Variants in SLC43A3 observed in about 807,000 individuals in gnomAD.
The protein encoded by SLC43A3 is solute carrier family 43 member 3, also known as equilibrative nucleobase transporter 1.
In SLC43A3, 33 loss-of-function variants were observed where a neutral mutation model predicts 53.3. The observed-to-expected ratio is 0.62, with a 90% CI of 0.47 to 0.83. The LOEUF (loss-of-function observed/expected upper bound fraction) is 0.83. Among genes scored for constraint, SLC43A3 ranks in the 40% least tolerant of loss-of-function variants. The pLI is 0.00. For missense variants in SLC43A3, 530 were observed against 610.0 expected (o/e 0.87, Z 1.38); for synonymous variants, 236 against 246.2 (o/e 0.96, Z 0.39).
rs376679763 is a variant in SLC43A3, at chr11:57,409,953, G to A, written c.1229C>T (p.Ala410Val). The change falls in exon 12 of 14, where the codon GCG becomes GTG. Residue 410 changes from alanine (A) to valine (V), a missense_variant. Transcript: ENST00000395124. The stretch of plus-strand genomic sequence containing the variant: ...CACTTACGCAAGGGTGAGGAAGGCC[G>A]CGTTGCTCCCATAGAGGAAGGAGCG... ...ISRSFLYGSN[A>V]AFLTLAFPSE... 2.6e-5 allele frequency: 42 copies of A among 1,612,114 alleles called. No individual in the cohort carries two copies. The East Asian group carries it at 4.9e-4, about 19-fold the overall frequency.
intron 11 of SLC43A3, among the ~76,000 whole-genome samples, chr11:57,414,256 A>T (rs1942613172): frequency 6.6e-6 from 1 of 152,232 alleles, no homozygotes; most frequent in Admixed American, 6.5e-5. Flanking sequence ...CACGCCTGTT[A>T]TCCCAGCATT....
intron 5 of SLC43A3, chr11:57,423,664 A>G: frequency 4.4e-6 from 1 of 229,740 alleles, no homozygotes; most frequent in Non-Finnish European, 8.7e-6. Context: ...TCCTGACCTC[A>G]GATGATCCAC....
chr11:57,414,648 T>C lies in SLC43A3; in HGVS notation c.1027A>G (p.Lys343Glu). The C allele has an allele frequency of 2.5e-6, 4 of 1,613,936 alleles. No homozygotes were observed. The highest frequency in any genetic ancestry group is 3.4e-6 in the Non-Finnish European group (4 of 1,179,864). ...CTTGCTTCCTTCTGGTACTTCTGTT[T>C]AAGCCGGTCCATGAGCAGGCCATTC... is the stretch of plus-strand genomic sequence containing the variant. ...PWNGLLMDRL[K>E]QKYQKEARKT... Residue 343 changes from lysine (K) to glutamate (E), a missense_variant, in exon 11 of 14, where the codon AAA becomes GAA. Physicochemically the swap from Lys to Glu is moderately conservative, Grantham distance 56. Around this residue, in one of 3 missense-constraint regions of SLC43A3, gnomAD observed 376 missense variants for 386.7 expected, o/e 0.97. Coordinates refer to ENST00000395124, the MANE Select transcript of SLC43A3 (RefSeq NM_199329.3).
chr11:57,407,737 G>A lies in SLC43A3; in HGVS notation c.*55C>T. ...TCTTTTGGGACACGAGGTCCTCAAA[G>A]GTGGTGGAAGATGAACAAAACCATC... On this transcript the variant is annotated 3_prime_UTR_variant, in exon 14 of 14. Transcript: ENST00000395124. 1 of 1,077,174 alleles carries A rather than the reference G, an allele frequency of 9.3e-7. No individual in the cohort carries two copies. 66.7% of individuals were successfully genotyped at this position (1,077,174 alleles called of 1,614,324 possible). A position where few individuals can be genotyped will look rare whatever the true frequency, so the allele number is the denominator to read the frequency against.
chr11:57,409,220 G>A lies in SLC43A3; in HGVS notation c.1326C>T (p.Pro442=), dbSNP rs1185472542. Reference sequence around the variant, plus strand: ...GGGAGCCTTTGATGAGGGTGAAGATGGGGAACTGGAGCAGAGACACCACAG... The same window carrying A: ...GGGAGCCTTTGATGAGGGTGAAGATAGGGAACTGGAGCAGAGACACCACAG... ...LSAVVSLLQF[P]IFTLIKGSLQ... is the part of the protein sequence containing the mutation. The change falls in exon 13 of 14, where the codon CCC becomes CCT. Residue 442 remains proline, a synonymous_variant. Transcript: ENST00000395124. 1.2e-6 allele frequency: 2 copies of A among 1,614,022 alleles called. No individual in the cohort carries two copies. Among genetic ancestry groups the A allele is most frequent in the Non-Finnish European group, 1.7e-6 (2 of 1,179,982 alleles).
Position 57,423,946 on chromosome 11 carries a change from A to T in SLC43A3, c.361+36T>A, listed in dbSNP as rs374284444. On this transcript the variant is annotated intron_variant, in intron 5 of 13. Coordinates refer to ENST00000395124, the MANE Select transcript of SLC43A3 (RefSeq NM_199329.3). ...CTGCCCCAGCCACCAGGTGCCTCTG[A>T]GCTTGCATCCCTCCCACCCACCTGA... The T allele has an allele frequency of 9.9e-6, 16 of 1,609,922 alleles. No individual in the cohort carries two copies. The African/African-American group carries it at 2.1e-4, about 22-fold the overall frequency.
At chr11:57,412,120 G>GA (rs1449692497) in intron 11 of SLC43A3, among the ~76,000 whole-genome samples, 2 of 152,150 alleles carry the variant, frequency 1.3e-5, no homozygotes, top group African/African-American at 4.8e-5. Context: ...GGCTAGTTGG[G>GA]AAAAATGACA....
intron 7 of SLC43A3, 95 bp downstream of exon 7, chr11:57,420,877 C>G (rs955050677): frequency 8.3e-6 from 7 of 844,570 alleles, no homozygotes; most frequent in African/African-American, 1.7e-5. Context: ...CAGTACCTAC[C>G]TCACCGAGTT....
intron 5 of SLC43A3, among the ~76,000 whole-genome samples, chr11:57,421,852 G>A (rs1200939290): frequency 6.6e-6 from 1 of 152,222 alleles, no homozygotes; most frequent in Non-Finnish European, 1.5e-5. Flanking sequence ...GGTGCTATGA[G>A]AACTGAGTGA....
In SLC43A3 at chr11:57,421,075, T is replaced by C. The variant is rs759705058; in HGVS notation, c.439-11A>G. Reference sequence around the variant, plus strand: ...AAATAGGTTCCCAATCTGGGGATGATAGGACTAGCCTGGATCACTTATTTA... The same window carrying C: ...AAATAGGTTCCCAATCTGGGGATGACAGGACTAGCCTGGATCACTTATTTA... On this transcript the variant is annotated splice_polypyrimidine_tract_variant and intron_variant, in intron 6 of 13. Coordinates refer to ENST00000395124, the MANE Select transcript of SLC43A3 (RefSeq NM_199329.3). The C allele has an allele frequency of 5.6e-5, 88 of 1,582,612 alleles. No individual in the cohort carries two copies. The highest frequency in any genetic ancestry group is 1.7e-4 in the Middle Eastern group (1 of 6,006).
chr11:57,425,623 A>G lies in SLC43A3; in HGVS notation c.232T>C (p.Ser78Pro), dbSNP rs550385250. The G allele has an allele frequency of 6.2e-7, 1 of 1,614,058 alleles. No homozygotes were observed. Among genetic ancestry groups the G allele is most frequent in the Non-Finnish European group, 8.5e-7 (1 of 1,180,010 alleles). ...AATGTCATGAAGTTGTTCATGAAGG[A>G]CCCCAGGGTGAAGATGAGTGAGAAC... ...ERFSLIFTLG[S>P]FMNNFMTFPT... Residue 78 changes from serine (S) to proline (P), a missense_variant, in exon 4 of 14, where the codon TCC becomes CCC. Around this residue, in one of 3 missense-constraint regions of SLC43A3, gnomAD observed 376 missense variants for 386.7 expected, o/e 0.97. Transcript: ENST00000395124.
At chr11:57,415,843 T>C (rs557478789) in intron 9 of SLC43A3, among the ~76,000 whole-genome samples, 1 of 152,330 alleles carries the variant, frequency 6.6e-6, no homozygotes, top group East Asian at 1.9e-4. Context: ...TTATTCTGTA[T>C]ATTTAAGATA....
intron 6 of SLC43A3, 103 bp from the exon 7 acceptor site, chr11:57,421,167 T>G (rs1179086627): frequency 8.3e-7 from 1 of 1,203,886 alleles, no homozygotes; most frequent in African/African-American, 1.5e-5. Context: ...AAACTCACCC[T>G]CCACCGCTAG....
intron 10 of SLC43A3, 96 bp from the exon 11 acceptor site, chr11:57,414,827 C>G (rs986978665): frequency 2.6e-6 from 4 of 1,530,714 alleles, no homozygotes; most frequent in Non-Finnish European, 3.6e-6. Context: ...CATGTCCCTC[C>G]TCCCCACACC....
intron 12 of SLC43A3, among the ~76,000 whole-genome samples, 187 bp downstream of exon 12, chr11:57,409,748 G>T (rs953092077): frequency 6.6e-6 from 1 of 152,150 alleles, no homozygotes; most frequent in Non-Finnish European, 1.5e-5. Flanking sequence ...AGATGTAAAG[G>T]CTCAAGTGCA....
chr11:57,421,690 CT>C (rs2135052077), intron 5 of SLC43A3, among the ~76,000 whole-genome samples: 1 of 152,280 alleles, frequency 6.6e-6, no homozygotes, highest in East Asian at 1.9e-4. Context: ...CACAAGCTGC[CT>C]CTCCCTTTCA....
intron 13 of SLC43A3, among the ~76,000 whole-genome samples, chr11:57,408,961 A>G (rs1313793948): frequency 6.6e-6 from 1 of 152,166 alleles, no homozygotes; most frequent in Non-Finnish European, 1.5e-5. Context: ...AGGTCTCAGG[A>G]TTTTGCTTGA....
At chr11:57,424,059 T>C in intron 4 of SLC43A3, 31 bp from the exon 5 acceptor site, 1 of 1,609,432 alleles carries the variant, frequency 6.2e-7, no homozygotes, top group South Asian at 1.1e-5. Context: ...AGCAGAATAT[T>C]GTCAAGGAGG....
chr11:57,420,883 G>A (rs541474530), intron 7 of SLC43A3, 89 bp downstream of exon 7: 24 of 886,976 alleles, frequency 2.7e-5, no homozygotes, highest in South Asian at 2.4e-4. Flanking sequence ...CTACCTCACC[G>A]AGTTGATGGA....
Sources: allele counts gnomAD v4.1 joint callset (sites outside exome capture counted in the v4.1 genomes callset), GRCh38; gene constraint gnomAD v4.1.1; regional missense constraint gnomAD v4.1.1; transcripts MANE v1.5; gene names NCBI Gene and HGNC (gene_info 2026-07-23, HGNC 2026-07-21).